CTBP2: variants seen among roughly 807,000 people sequenced by gnomAD.
CTBP2 encodes the protein C-terminal-binding protein 2.
CTBP2 carries 30 observed loss-of-function variants against 80.3 expected under a neutral mutation model. The observed-to-expected ratio is 0.37, with a 90% CI of 0.28 to 0.51. The LOEUF is 0.51. CTBP2 is among the 20% of genes least tolerant of loss of function. The pLI is 0.93. For synonymous variants in CTBP2, 594 were observed against 587.4 expected, an observed-to-expected ratio of 1.01 and a Z score of -0.16; for missense variants, 1,212 against 1,375.3, an observed-to-expected ratio of 0.88 and a Z score of 1.88.
chr10:124,989,601 T>C lies in CTBP2; in HGVS notation c.2875A>G (p.Thr959Ala). ...GGCGCTTGGGAAGGATGTGCCACTGTCGGGAGGTTGTGAGTCACTGGGATG... is the reference window on the plus strand; with the variant it reads ...GGCGCTTGGGAAGGATGTGCCACTGCCGGGAGGTTGTGAGTCACTGGGATG... Residue 959 changes from threonine to alanine, a missense_variant, in exon 9 of 9, where the codon ACA becomes GCA. Around this residue, in one of 3 missense-constraint regions of CTBP2, gnomAD observed 335 missense variants for 504.7 expected, o/e 0.66. Transcript: ENST00000309035. 1.2e-6 allele frequency: 2 copies of C among 1,613,360 alleles called. No homozygotes were observed. Among genetic ancestry groups the C allele is most frequent in the Non-Finnish European group, 1.7e-6 (2 of 1,179,738 alleles).
At chr10:125,133,852 GCCTCAT>G (rs2136155013) in intron 1 of CTBP2, among the ~76,000 whole-genome samples, 1 of 152,314 alleles carries the variant, frequency 6.6e-6, no homozygotes, top group South Asian at 2.1e-4. Context: ...ACAGGGAAGT[GCCTCAT>G]TCCTATTCAG....
In CTBP2 at chr10:125,027,161, GC is replaced by G. The variant is rs1564742652; in HGVS notation, c.598del (p.Ala200ArgfsTer54). 1.2e-6 allele frequency: 2 copies of G among 1,604,784 alleles called. No homozygotes were observed. The highest frequency in any genetic ancestry group is 2.7e-5 in the African/African-American group (2 of 74,750). On this transcript the variant is annotated frameshift_variant, in exon 1 of 9. Coordinates refer to ENST00000309035, the MANE Select transcript of CTBP2 (RefSeq NM_022802.3). LOFTEE classifies it high-confidence loss of function. ...GCTGAGGGGGTAGGCAGGCACCTCC[GC>G]CCCATACCTGGTGTCGGGCTGCTCC...
chr10:125,136,596 T>C (rs948135130), intron 1 of CTBP2, among the ~76,000 whole-genome samples: 1 of 152,186 alleles, frequency 6.6e-6, no homozygotes, highest in African/African-American at 2.4e-5. Flanking sequence ...ATGAACCCCA[T>C]GGAGCCCATT....
chr10:125,160,574 GCTCCCCGCCCCTCCCCCTCCCGCC>G (rs1861770389), upstream of CTBP2: 1 of 137,934 alleles, frequency 7.2e-6, no homozygotes, highest in African/African-American at 2.7e-5. Context: ...AATCTCTCCA[GCTCCCCGCCCCTCCCCCTCCCGCC>G]CTCCCCACCC....
intron 3 of CTBP2, among the ~76,000 whole-genome samples, chr10:125,038,192 G>A (rs555391299): frequency 6.3e-4 from 96 of 152,318 alleles, no homozygotes; most frequent in African/African-American, 2.2e-3. Context: ...AGCTGCAGGG[G>A]AAGCCCTGTG....
At chr10:125,107,259 T>C (rs1329632665) in intron 2 of CTBP2, among the ~76,000 whole-genome samples, 1 of 152,242 alleles carries the variant, frequency 6.6e-6, no homozygotes, top group Non-Finnish European at 1.5e-5. Flanking sequence ...TGAAAGGCCC[T>C]GTGGATCTTC....
intron 1 of CTBP2, among the ~76,000 whole-genome samples, chr10:125,014,464 G>A (rs1472869065): frequency 1.3e-5 from 2 of 152,184 alleles, no homozygotes; most frequent in African/African-American, 4.8e-5. Context: ...AAAATTAACT[G>A]AAAAAACAAA....
At chr10:125,142,128 C>T (rs1311343182) in intron 1 of CTBP2, among the ~76,000 whole-genome samples, 8 of 152,104 alleles carry the variant, frequency 5.3e-5, no homozygotes, top group African/African-American at 1.4e-4. Flanking sequence ...TTGCAGGGGA[C>T]GGGGGCGGTT....
chr10:125,098,730 G>GAGAGAC (rs1850077877), intron 2 of CTBP2, among the ~76,000 whole-genome samples: 1 of 126,790 alleles, frequency 7.9e-6, no homozygotes, highest in African/African-American at 3.2e-5. Flanking sequence ...GAGACAGAGA[G>GAGAGAC]AGAGAGAGAG....
At chr10:125,061,215 C>T (rs144626067) in intron 2 of CTBP2, among the ~76,000 whole-genome samples, 2 of 152,366 alleles carry the variant, frequency 1.3e-5, no homozygotes, top group African/African-American at 2.4e-5. Flanking sequence ...AAGCAAACAT[C>T]TTATTTTCGT....
chr10:124,995,886 T>C (rs1953422882), intron 4 of CTBP2, among the ~76,000 whole-genome samples: 1 of 151,856 alleles, frequency 6.6e-6, no homozygotes, highest in Non-Finnish European at 1.5e-5. Flanking sequence ...CCCGCCTGCC[T>C]TCCCCCGTTC....
chr10:125,115,264 C>T (rs1226661146), intron 1 of CTBP2, among the ~76,000 whole-genome samples: 4 of 152,192 alleles, frequency 2.6e-5, no homozygotes, highest in African/African-American at 7.2e-5. Context: ...ACGGGTCTGG[C>T]TGAACGGAGC....
At chr10:124,999,625 G>A (rs1279498721) in intron 3 of CTBP2, 1 of 152,194 alleles carries the variant, frequency 6.6e-6, no homozygotes, top group East Asian at 1.9e-4. Flanking sequence ...GGGCTCCTCT[G>A]GGCCACCGAC....
chr10:125,036,335 C>T (rs1958863072), intron 3 of CTBP2, among the ~76,000 whole-genome samples: 2 of 152,044 alleles, frequency 1.3e-5, no homozygotes, highest in Admixed American at 1.3e-4. Flanking sequence ...AGCCTAGGGA[C>T]CCACGACCAG....
intron 2 of CTBP2, among the ~76,000 whole-genome samples, chr10:125,089,566 T>C (rs1161858629): frequency 2.0e-5 from 3 of 152,078 alleles, no homozygotes; most frequent in Non-Finnish European, 2.9e-5. Context: ...TTGCAAAGTG[T>C]GCAGATCAGG....
Position 124,989,345 on chromosome 10 carries a change from C to A in CTBP2, c.*173G>T, listed in dbSNP as rs1952266387. 1.5e-5 allele frequency: 11 copies of A among 738,376 alleles called. No homozygotes were observed. Among genetic ancestry groups the A allele is most frequent in the Non-Finnish European group, 2.3e-5 (10 of 429,422 alleles). The allele number at this position is 738,376 out of a possible 1,614,324, so 45.7% of individuals were successfully genotyped here. A position where few individuals can be genotyped will look rare whatever the true frequency, so the allele number is the denominator to read the frequency against. On this transcript the variant is annotated 3_prime_UTR_variant, in exon 9 of 9. Coordinates refer to ENST00000309035, the MANE Select transcript of CTBP2 (RefSeq NM_022802.3). ...CCTAGTCTTTCAGCGCTTCCGTAAG[C>A]AGACGACATCTTCAGTTTTCTAGCT...
chr10:125,159,164 G>C (rs1404895465), intron 1 of CTBP2, among the ~76,000 whole-genome samples: 1 of 150,658 alleles, frequency 6.6e-6, no homozygotes, highest in Non-Finnish European at 1.5e-5. Context: ...GCGCCGCGGA[G>C]GGCTGGGAGG....
At chr10:125,122,724 A>T (rs1854543304) in intron 1 of CTBP2, 1 of 152,222 alleles carries the variant, frequency 6.6e-6, no homozygotes, top group African/African-American at 2.4e-5. Flanking sequence ...GTCACTCCCA[A>T]TACGACCCCA....
At chr10:125,043,068 A>T (rs1960292604) in intron 2 of CTBP2, among the ~76,000 whole-genome samples, 1 of 152,246 alleles carries the variant, frequency 6.6e-6, no homozygotes, top group Non-Finnish European at 1.5e-5. Flanking sequence ...AGGCTTGGAA[A>T]AGAAAGCCAC....
Sources: allele counts gnomAD v4.1 joint callset (sites outside exome capture counted in the v4.1 genomes callset), GRCh38; gene constraint gnomAD v4.1.1; regional missense constraint gnomAD v4.1.1; transcripts MANE v1.5; gene names NCBI Gene and HGNC (gene_info 2026-07-23, HGNC 2026-07-21).